BPTF: variants seen among roughly 807,000 people sequenced by gnomAD.
BPTF encodes nucleosome-remodeling factor subunit BPTF.
A neutral mutation model predicts 292.5 loss-of-function variants in BPTF; 18 were observed. The ratio of observed to expected loss-of-function variants is 0.06; its 90% CI spans 0.04 to 0.09. The LOEUF (loss-of-function observed/expected upper bound fraction) is 0.09. BPTF is among the 10% of genes least tolerant of loss of function. The pLI is 1.00. For missense variants in BPTF, 2,726 were observed against 3,498.7 expected, an observed-to-expected ratio of 0.78 and a Z score of 5.57; for synonymous variants, 1,225 against 1,251.9, an observed-to-expected ratio of 0.98 and a Z score of 0.45.
intron 1 of BPTF, among the ~76,000 whole-genome samples, chr17:67,844,348 C>T (rs535809748): frequency 1.3e-5 from 2 of 150,404 alleles, no homozygotes; most frequent in East Asian, 2.0e-4. Context: ...CCTAGGTTCA[C>T]GCCATTCTCC....
intron 1 of BPTF, among the ~76,000 whole-genome samples, chr17:67,847,116 T>C (rs1207040875): frequency 6.6e-6 from 1 of 152,176 alleles, no homozygotes. Context: ...ATAAACATCT[T>C]TGAAAGGAAG....
At chr17:67,848,337 A>T (rs776001323) in intron 1 of BPTF, among the ~76,000 whole-genome samples, 1 of 152,256 alleles carries the variant, frequency 6.6e-6, no homozygotes, top group Middle Eastern at 3.4e-3. Context: ...TTTAGTTGCT[A>T]CAATAACTAA....
At chr17:67,942,284 C>G (rs975643818) in intron 19 of BPTF, among the ~76,000 whole-genome samples, 3 of 150,854 alleles carry the variant, frequency 2.0e-5, no homozygotes, top group Non-Finnish European at 2.9e-5. Context: ...CACTGCACTC[C>G]AACCTAGGCA....
intron 23 of BPTF, among the ~76,000 whole-genome samples, chr17:67,948,890 A>C (rs868966067): frequency 1.9e-4 from 29 of 152,332 alleles, no homozygotes; most frequent in Middle Eastern, 6.8e-3. Context: ...CTGAGGCAGG[A>C]GGATCACTTG....
intron 18 of BPTF, among the ~76,000 whole-genome samples, chr17:67,935,962 T>C (rs570724872): frequency 3.9e-5 from 6 of 152,214 alleles, no homozygotes; most frequent in Admixed American, 6.5e-5. Context: ...TAATTAAATA[T>C]TGTGCTTATA....
chr17:67,949,538 A>G (rs1196058825), intron 23 of BPTF, among the ~76,000 whole-genome samples: 8 of 151,578 alleles, frequency 5.3e-5, no homozygotes, highest in Non-Finnish European at 7.4e-5. Context: ...TCACACCACT[A>G]CACTCTAGCC....
intron 4 of BPTF, among the ~76,000 whole-genome samples, chr17:67,881,996 A>G (rs555728504): frequency 1.4e-5 from 2 of 143,098 alleles, no homozygotes; most frequent in East Asian, 4.2e-4. Flanking sequence ...AACCACACCC[A>G]GCTAATTTTT....
intron 24 of BPTF, chr17:67,963,519 A>G: frequency 6.8e-7 from 1 of 1,463,434 alleles, no homozygotes; most frequent in South Asian, 1.4e-5. Context: ...GAGTTCTGAT[A>G]AGAGCATCAT....
chr17:67,896,171 C>T (rs2061433976), intron 7 of BPTF, among the ~76,000 whole-genome samples: 1 of 152,108 alleles, frequency 6.6e-6, no homozygotes, highest in Non-Finnish European at 1.5e-5. Flanking sequence ...ACCGTGTTAG[C>T]CAGGATGGTC....
intron 4 of BPTF, among the ~76,000 whole-genome samples, chr17:67,877,784 T>TA (rs2145825871): frequency 6.6e-6 from 1 of 152,018 alleles, no homozygotes; most frequent in South Asian, 2.1e-4. Context: ...ATGCCCAGCT[T>TA]ATTTATTTAT....
At chr17:67,873,717 C>T (rs1014392759) in intron 3 of BPTF, among the ~76,000 whole-genome samples, 3 of 152,140 alleles carry the variant, frequency 2.0e-5, no homozygotes, top group East Asian at 1.9e-4. Context: ...CACTCATATA[C>T]ATATGTGCCC....
chr17:67,893,716 C>T lies in BPTF; in HGVS notation c.2402C>T (p.Ala801Val). The T allele has an allele frequency of 1.3e-6, 2 of 1,596,730 alleles. No individual in the cohort carries two copies. Among genetic ancestry groups the T allele is most frequent in the South Asian group, 1.1e-5 (1 of 90,158 alleles). Residue 801 changes from alanine (A) to valine (V), a missense_variant, in exon 6 of 28, where the codon GCA becomes GTA. Physicochemically the swap from Ala to Val is moderately conservative, Grantham distance 64 (BLOSUM62 0). Transcript: ENST00000306378. ...IPSSFLHPNW[A>V]SHRANWIKAV... is the part of the protein sequence containing the mutation. The stretch of plus-strand genomic sequence containing the variant: ...TCATCCTTTCTTCATCCCAACTGGG[C>T]ATCACATAGGTAAAGGAAACTAAGG...
intron 2 of BPTF, among the ~76,000 whole-genome samples, chr17:67,864,971 A>AT (rs1265298911): frequency 9.9e-5 from 15 of 151,570 alleles, no homozygotes; most frequent in South Asian, 2.1e-4. Context: ...TGCCCGGCTA[A>AT]TTTTTTTTGT....
At chr17:67,947,934 TA>T (rs1555676289) in intron 22 of BPTF, 126 bp downstream of exon 22, 16 of 1,225,304 alleles carry the variant, frequency 1.3e-5, no homozygotes. Flanking sequence ...TTGGCACTAA[TA>T]GTTACTCATA....
chr17:67,951,881 C>A (rs1355080447), intron 23 of BPTF: 1 of 151,782 alleles, frequency 6.6e-6, no homozygotes, highest in Non-Finnish European at 1.5e-5. Context: ...CACGGCGAAA[C>A]CCCATCTCTA....
At chr17:67,927,871 A>G (rs1318467366) in intron 15 of BPTF, among the ~76,000 whole-genome samples, 1 of 152,100 alleles carries the variant, frequency 6.6e-6, no homozygotes, top group Admixed American at 6.6e-5. Flanking sequence ...GCCTTCATCA[A>G]GAAATTAAAT....
At chr17:67,916,223 G>A (rs2062977254) in intron 11 of BPTF, among the ~76,000 whole-genome samples, 1 of 152,186 alleles carries the variant, frequency 6.6e-6, no homozygotes, top group Non-Finnish European at 1.5e-5. Flanking sequence ...AGTGGATATG[G>A]GAAGTTAAGA....
intron 11 of BPTF, among the ~76,000 whole-genome samples, chr17:67,918,468 T>C (rs998690962): frequency 1.1e-4 from 16 of 152,288 alleles, no homozygotes; most frequent in South Asian, 4.2e-4. Flanking sequence ...TATAAACTTA[T>C]ATGGCATTTA....
chr17:67,911,123 A>G lies in BPTF; in HGVS notation c.3239A>G (p.Glu1080Gly). 1 of 1,614,054 alleles carries G rather than the reference A, an allele frequency of 6.2e-7. No individual in the cohort carries two copies. Among genetic ancestry groups the G allele is most frequent in the Non-Finnish European group, 8.5e-7 (1 of 1,180,020 alleles). ...ACACTGGAAGAAAAACAGCGACTCG[A>G]AAAAATCAAGTTGGAGGGTGGAATT... Reference protein sequence around the residue: ...QFTLEEKQRLEKIKLEGGIKG... With the variant: ...QFTLEEKQRLGKIKLEGGIKG... Residue 1080 changes from glutamate to glycine, a missense_variant, in exon 11 of 28, where the codon GAA becomes GGA. Glu to Gly is a moderately conservative substitution (Grantham distance 98). Transcript: ENST00000306378.
Sources: allele counts gnomAD v4.1 joint callset (sites outside exome capture counted in the v4.1 genomes callset), GRCh38; gene constraint gnomAD v4.1.1; transcripts MANE v1.5; gene names NCBI Gene and HGNC (gene_info 2026-07-23, HGNC 2026-07-21).